The following CCDC85C variants were observed in gnomAD, a reference collection of about 807,000 sequenced individuals.
CCDC85C encodes coiled-coil domain-containing protein 85C.
In CCDC85C, 18 loss-of-function variants were observed where a neutral mutation model predicts 38.3. The observed-to-expected ratio is 0.47, with a 90% confidence interval of 0.33 to 0.70. The LOEUF is 0.70. Ranked by LOEUF, CCDC85C falls within the 30% of genes least tolerant of loss-of-function variation. The pLI is 0.03. For missense variants in CCDC85C, 566 were observed against 621.2 expected (o/e 0.91, Z 0.94); for synonymous variants, 264 against 293.8 (o/e 0.90, Z 1.04).
intron 1 of CCDC85C, among the ~76,000 whole-genome samples, chr14:99,546,921 C>A (rs370817763): frequency 5.9e-5 from 9 of 152,176 alleles, no homozygotes; most frequent in African/African-American, 2.2e-4. Context: ...GTAATCCCAG[C>A]ACTTTGGGAG....
At chr14:99,585,479 C>T (rs1373060690) in intron 1 of CCDC85C, among the ~76,000 whole-genome samples, 1 of 152,202 alleles carries the variant, frequency 6.6e-6, no homozygotes, top group Non-Finnish European at 1.5e-5. Flanking sequence ...CCTCAATTTG[C>T]TCTTTGCTCA....
chr14:99,578,579 C>G (rs556864890), intron 1 of CCDC85C, among the ~76,000 whole-genome samples: 1 of 152,142 alleles, frequency 6.6e-6, no homozygotes, highest in Non-Finnish European at 1.5e-5. Context: ...TCCCCTGTCA[C>G]TGTGTGTGTG....
chr14:99,521,312 G>T (rs1376499846), intron 3 of CCDC85C, among the ~76,000 whole-genome samples: 5 of 152,230 alleles, frequency 3.3e-5, no homozygotes, highest in Admixed American at 3.3e-4. Context: ...TGCATTCCTG[G>T]AGAAGGTGGA....
At chr14:99,579,821 G>C (rs2054945776) in intron 1 of CCDC85C, among the ~76,000 whole-genome samples, 1 of 152,064 alleles carries the variant, frequency 6.6e-6, no homozygotes, top group Admixed American at 6.5e-5. Context: ...GTGGGGATGG[G>C]GGATCCCATC....
chr14:99,510,870 T>C lies in CCDC85C; in HGVS notation c.*4376A>G, dbSNP rs1897114322. 1.7e-6 allele frequency: 2 copies of C among 1,157,402 alleles called. No individual in the cohort carries two copies. The highest frequency in any genetic ancestry group is 3.7e-5 in the Admixed American group (1 of 27,304). The allele number at this position is 1,157,402 out of a possible 1,614,324, so 71.7% of individuals were successfully genotyped here. ...TGAAGTGGGTAAGCAGCAGGGTACC[T>C]TGTATAATGCACGACAGTTGCAGTA... On this transcript the variant is annotated 3_prime_UTR_variant, in exon 6 of 6. Transcript: ENST00000380243.
In CCDC85C at chr14:99,512,821, C is replaced by A. The variant is rs567401222; in HGVS notation, c.*2425G>T. ...GGAGTCACCCTGAGCTACAGCATGC[C>A]CAGATTTCCCCTGTGGGAAGCCCCA... On this transcript the variant is annotated 3_prime_UTR_variant, in exon 6 of 6. Coordinates refer to ENST00000380243, the MANE Select transcript of CCDC85C (RefSeq NM_001144995.2). 1 of 152,242 alleles carries A rather than the reference C, an allele frequency of 6.6e-6. No homozygotes were observed. The highest frequency in any genetic ancestry group is 2.1e-4 in the South Asian group (1 of 4,832). The allele number at this position is 152,242 out of a possible 1,614,324, so 9.4% of individuals were successfully genotyped here.
At position 99,553,579 on chromosome 14, in the gene CCDC85C, G is replaced by T. The variant is rs182338289; in HGVS notation, c.794-17491C>A. ...GGGGTTTCACCATACTGGCCAGGCTGGTCTCGAACTCCTGACCTCATGATC... is the reference window on the plus strand; with the variant it reads ...GGGGTTTCACCATACTGGCCAGGCTTGTCTCGAACTCCTGACCTCATGATC... On this transcript the variant is annotated intron_variant, in intron 1 of 5. Transcript: ENST00000380243. Among the ~76,000 whole-genome samples, 498 of 152,280 alleles carry T rather than the reference G, an allele frequency of 3.3e-3. 4 individuals are homozygous for T. Among genetic ancestry groups the T allele is most frequent in the African/African-American group, 0.012 (480 of 41,558 alleles).
chr14:99,536,868 C>A (rs962530055), intron 1 of CCDC85C, among the ~76,000 whole-genome samples: 1 of 152,216 alleles, frequency 6.6e-6, no homozygotes, highest in Non-Finnish European at 1.5e-5. Flanking sequence ...CCCACCCCCA[C>A]GTCCAGCCAT....
chr14:99,562,178 C>A (rs1351828570), intron 1 of CCDC85C, among the ~76,000 whole-genome samples: 1 of 152,112 alleles, frequency 6.6e-6, no homozygotes, highest in Non-Finnish European at 1.5e-5. Flanking sequence ...CAGAAGAGAG[C>A]GACGCCCTCC....
chr14:99,518,216 C>A (rs1897254591), intron 3 of CCDC85C, among the ~76,000 whole-genome samples: 1 of 152,156 alleles, frequency 6.6e-6, no homozygotes, highest in African/African-American at 2.4e-5. Context: ...CTGGAACCCC[C>A]TGCAGGCCTG....
rs564448626 is a variant in CCDC85C, at chr14:99,503,110, C to A, written c.*12136G>T. On this transcript the variant is annotated 3_prime_UTR_variant, in exon 6 of 6. Coordinates refer to ENST00000380243, the MANE Select transcript of CCDC85C (RefSeq NM_001144995.2). ...AGCAGGGGGTGTTCGCCGAAACTCG[C>A]AGTCCGACTGCTTGTCGGTGGGGAG... The A allele has an allele frequency of 3.6e-5, 39 of 1,084,538 alleles. No homozygotes were observed. In the African/African-American group the frequency reaches 5.4e-4, roughly 15 times the overall value. 67.2% of individuals were successfully genotyped at this position (1,084,538 alleles called of 1,614,324 possible).
Position 99,534,366 on chromosome 14 carries a change from AAAAG to A in CCDC85C, c.867+1645_867+1648del, listed in dbSNP as rs1323703853. On this transcript the variant is annotated intron_variant, in intron 2 of 5. Coordinates refer to ENST00000380243, the MANE Select transcript of CCDC85C (RefSeq NM_001144995.2). ...AGCTAAATTCCATCTCAAAAAAAAA[AAAAG>A]AAAGAAAGAACACTGCAAACAGCAT... Among the ~76,000 whole-genome samples, 99 of 152,158 alleles carry A rather than the reference AAAAG, an allele frequency of 6.5e-4. 1 individual carries two copies. The highest frequency in any genetic ancestry group is 3.9e-3 in the South Asian group (19 of 4,824).
Position 99,520,084 on chromosome 14 carries a change from G to A in CCDC85C, c.975+2049C>T, listed in dbSNP as rs1897281492. On this transcript the variant is annotated intron_variant, in intron 3 of 5. Coordinates refer to ENST00000380243, the MANE Select transcript of CCDC85C (RefSeq NM_001144995.2). This position sits in a 1 kb window ranked among gnomAD's most constrained non-coding sequence, Gnocchi z 4.1. ...AGCCAGTGGATGGAGGGTATGGGCA[G>A]CAGTGGGCAGGGAGGGGGTGTCCAC... is the stretch of plus-strand genomic sequence containing the variant. Among the ~76,000 whole-genome samples the A allele has an allele frequency of 6.6e-6, 1 of 152,218 alleles. No homozygotes were observed.
rs370109794 is a variant in CCDC85C, at chr14:99,503,504, G to A, written c.*11742C>T. The stretch of plus-strand genomic sequence containing the variant: ...CTAGAAATAATTTTTGTCCGAGGCT[G>A]TTCACAGTGACTGCCGTCGCTGATT... On this transcript the variant is annotated 3_prime_UTR_variant, in exon 6 of 6. Coordinates refer to ENST00000380243, the MANE Select transcript of CCDC85C (RefSeq NM_001144995.2). The A allele has an allele frequency of 6.9e-5, 64 of 932,454 alleles. No individual in the cohort carries two copies. In the African/African-American group the frequency reaches 9.4e-4, roughly 14 times the overall value. 57.8% of individuals were successfully genotyped at this position (932,454 alleles called of 1,614,324 possible). A position where few individuals can be genotyped will look rare whatever the true frequency, so the allele number is the denominator to read the frequency against.
rs554842674 is a variant in CCDC85C at position 99,536,890 on chromosome 14, G to A, written c.794-802C>T. 5.3e-5 allele frequency among the ~76,000 whole-genome samples: 8 copies of A among 152,244 alleles called. No homozygotes were observed. The South Asian group carries it at 1.5e-3, about 28-fold the overall frequency. ...CCACGTCCAGCCATCCCATACCCCT[G>A]GTCCTGCCTCCCCCCAGGCTGGGAG... On this transcript the variant is annotated intron_variant, in intron 1 of 5. Transcript: ENST00000380243.
chr14:99,586,833 C>T (rs2055032284), intron 1 of CCDC85C, among the ~76,000 whole-genome samples: 1 of 152,118 alleles, frequency 6.6e-6, no homozygotes, highest in South Asian at 2.1e-4. Flanking sequence ...TCCATCAAGG[C>T]CCCCCGGCCA....
chr14:99,500,460 G>A lies in CCDC85C; in HGVS notation c.*14786C>T, dbSNP rs982144096. 4.9e-5 allele frequency: 10 copies of A among 203,228 alleles called. No individual in the cohort carries two copies. The highest frequency in any genetic ancestry group is 1.6e-4 in the South Asian group (1 of 6,232). The allele number at this position is 203,228 out of a possible 1,614,324, so 12.6% of individuals were successfully genotyped here. ...ACAATTTAGTCAAATTATCAATAAC[G>A]TAAAGATCTGTTTTGTAAAGGGAGA... On this transcript the variant is annotated 3_prime_UTR_variant, in exon 6 of 6. Transcript: ENST00000380243.
chr14:99,581,106 C>T (rs770200188), intron 1 of CCDC85C, among the ~76,000 whole-genome samples: 17 of 152,170 alleles, frequency 1.1e-4, no homozygotes, highest in South Asian at 2.1e-4. Flanking sequence ...GCTGGTTCCA[C>T]GATCGCTGAA....
chr14:99,599,994 C>T (rs2055182676), intron 1 of CCDC85C, among the ~76,000 whole-genome samples: 1 of 152,238 alleles, frequency 6.6e-6, no homozygotes, highest in Non-Finnish European at 1.5e-5. Context: ...ACAGATGGGC[C>T]ACCTCCCACC....
Sources: allele counts gnomAD v4.1 joint callset (sites outside exome capture counted in the v4.1 genomes callset), GRCh38; gene constraint gnomAD v4.1.1; non-coding constraint Gnocchi (gnomAD v3.1); transcripts MANE v1.5; gene names NCBI Gene and HGNC (gene_info 2026-07-23, HGNC 2026-07-21).